Variants in HDAC9 observed in about 807,000 individuals in gnomAD.
HDAC9 encodes the protein histone deacetylase 9.
HDAC9 carries 41 observed loss-of-function variants against 139.4 expected under a neutral mutation model. The ratio of observed to expected loss-of-function variants is 0.29; its 90% CI spans 0.23 to 0.38. The LOEUF is 0.38. Among genes scored for constraint, HDAC9 ranks in the 10% least tolerant of loss-of-function variants. The pLI is 1.00. For synonymous variants in HDAC9, 517 were observed against 476.2 expected (o/e 1.09, Z -1.12); for missense variants, 1,147 against 1,297.0 (o/e 0.88, Z 1.78).
intron 1 of HDAC9, among the ~76,000 whole-genome samples, chr7:18,150,126 G>A (rs970571282): frequency 6.1e-5 from 9 of 147,642 alleles, no homozygotes; most frequent in Non-Finnish European, 1.3e-4. Flanking sequence ...AAGTCGGCAC[G>A]TTCTGCCATT....
chr7:18,865,589 C>G (rs549785816), intron 21 of HDAC9, among the ~76,000 whole-genome samples: 10 of 152,078 alleles, frequency 6.6e-5, no homozygotes, highest in Non-Finnish European at 1.2e-4. Context: ...TAGTGCCCCC[C>G]ACAAGGACCC....
chr7:18,740,984 G>C (rs886376919), intron 13 of HDAC9, among the ~76,000 whole-genome samples: 6 of 152,180 alleles, frequency 3.9e-5, no homozygotes, highest in Non-Finnish European at 8.8e-5. Context: ...TGAGGGCTGA[G>C]AGAGGTGAGG....
chr7:18,238,073 G>A (rs1793944514), intron 2 of HDAC9, among the ~76,000 whole-genome samples: 1 of 152,076 alleles, frequency 6.6e-6, no homozygotes, highest in Non-Finnish European at 1.5e-5. Flanking sequence ...TTAGAACAGT[G>A]AACTTGATTG....
intron 2 of HDAC9, among the ~76,000 whole-genome samples, chr7:18,203,732 T>A (rs1791297457): frequency 6.6e-6 from 1 of 152,190 alleles, no homozygotes; most frequent in African/African-American, 2.4e-5. Context: ...AACTTTTAAT[T>A]TTCTTTCCTC....
intron 25 of HDAC9, among the ~76,000 whole-genome samples, chr7:18,984,001 A>C (rs1264004191): frequency 6.6e-6 from 1 of 152,102 alleles, no homozygotes; most frequent in African/African-American, 2.4e-5. Context: ...CTTCTTGAAA[A>C]ATATTCACCG....
intron 17 of HDAC9, among the ~76,000 whole-genome samples, chr7:18,812,636 CT>C (rs1191150421): frequency 4.6e-5 from 7 of 150,930 alleles, no homozygotes; most frequent in African/African-American, 7.3e-5. Flanking sequence ...TAGAATTCCT[CT>C]TTTTTTTTCC....
At chr7:18,910,240 G>C (rs914861311) in intron 22 of HDAC9, among the ~76,000 whole-genome samples, 14 of 151,858 alleles carry the variant, frequency 9.2e-5, no homozygotes, top group African/African-American at 3.4e-4. Flanking sequence ...TATTTCATCA[G>C]TGTTTTACAG....
In HDAC9 at chr7:18,389,292, G is replaced by C. The variant is rs868846035; in HGVS notation, c.-42+98777G>C. Among the ~76,000 whole-genome samples the C allele has an allele frequency of 2.6e-5, 4 of 152,288 alleles. No individual in the cohort carries two copies. In the Middle Eastern group the frequency reaches 0.01, roughly 388 times the overall value. On this transcript the variant is annotated intron_variant, in intron 1 of 3. Transcript: ENST00000413509. ...TAGCACAGAGACCACAAAATAATCA[G>C]TGGATAATCACAATAATATTTTATT...
chr7:18,705,111 A>T (rs947418331), intron 12 of HDAC9, among the ~76,000 whole-genome samples: 4 of 152,202 alleles, frequency 2.6e-5, no homozygotes, highest in African/African-American at 9.7e-5. Flanking sequence ...GGATTGACTG[A>T]TGTACCTGCG....
chr7:18,124,320 T>G (rs1404460990), intron 1 of HDAC9, among the ~76,000 whole-genome samples: 2 of 152,140 alleles, frequency 1.3e-5, no homozygotes, highest in African/African-American at 4.8e-5. Context: ...GTCAGAAAAA[T>G]TTTAGCTTTC....
At chr7:18,768,361 T>C (rs1790004596) in intron 16 of HDAC9, among the ~76,000 whole-genome samples, 1 of 152,166 alleles carries the variant, frequency 6.6e-6, no homozygotes. Flanking sequence ...TAGTCTCAGC[T>C]TCCCCCCACT....
At chr7:18,813,607 C>T (rs1157369733) in intron 17 of HDAC9, among the ~76,000 whole-genome samples, 1 of 152,130 alleles carries the variant, frequency 6.6e-6, no homozygotes, top group East Asian at 1.9e-4. Context: ...TGCACATCCA[C>T]TGCTGAAAAG....
intron 2 of HDAC9, among the ~76,000 whole-genome samples, chr7:18,571,127 G>A (rs1824135116): frequency 6.6e-6 from 1 of 152,182 alleles, no homozygotes; most frequent in Admixed American, 6.5e-5. Flanking sequence ...GCTTGGCAAG[G>A]CTTATATGAG....
intron 2 of HDAC9, among the ~76,000 whole-genome samples, chr7:18,234,087 G>C (rs1793654455): frequency 6.6e-6 from 1 of 152,200 alleles, no homozygotes; most frequent in Non-Finnish European, 1.5e-5. Context: ...TGGGTGATGT[G>C]TGTTAGATTA....
intron 21 of HDAC9, among the ~76,000 whole-genome samples, chr7:18,837,113 A>G (rs1354416426): frequency 6.6e-6 from 1 of 151,958 alleles, no homozygotes; most frequent in Non-Finnish European, 1.5e-5. Context: ...ATAGAAAAAT[A>G]GCTATTTAAA....
At chr7:18,329,357 G>A (rs1800724177) in intron 1 of HDAC9, among the ~76,000 whole-genome samples, 2 of 151,654 alleles carry the variant, frequency 1.3e-5, no homozygotes, top group South Asian at 4.1e-4. Context: ...TGATAGGTAT[G>A]TTAATTAACT....
chr7:18,296,754 C>T (rs1037663879), intron 1 of HDAC9, among the ~76,000 whole-genome samples: 7 of 152,014 alleles, frequency 4.6e-5, no homozygotes, highest in African/African-American at 9.7e-5. Flanking sequence ...GCACCAAGCG[C>T]GGGGGCAGTG....
chr7:18,317,675 C>G (rs1799752201), intron 1 of HDAC9, among the ~76,000 whole-genome samples: 1 of 152,104 alleles, frequency 6.6e-6, no homozygotes, highest in Non-Finnish European at 1.5e-5. Context: ...TCAACTGCTG[C>G]CTAAAGTAGT....
intron 22 of HDAC9, among the ~76,000 whole-genome samples, chr7:18,906,308 C>T (rs1200392997): frequency 2.0e-5 from 3 of 151,832 alleles, no homozygotes; most frequent in Admixed American, 6.6e-5. Flanking sequence ...CCATGCCTGG[C>T]TAATTTTTGT....
Sources: gnomAD v4.1 joint callset for allele counts (sites outside exome capture counted in the v4.1 genomes callset) on GRCh38, gnomAD v4.1.1 for gene constraint, MANE v1.5 for transcripts, NCBI Gene and HGNC (gene_info 2026-07-23, HGNC 2026-07-21) for gene names.